KLHL32: variants seen among roughly 807,000 people sequenced by gnomAD.
KLHL32 encodes kelch like family member 32.
Under a neutral mutation model 64.8 loss-of-function variants are expected in KLHL32, and 35 were observed. The ratio of observed to expected loss-of-function variants is 0.54; its 90% CI spans 0.41 to 0.72. The LOEUF is 0.72. KLHL32 is among the 30% of genes least tolerant of loss of function. KLHL32 has a pLI of 0.00. For missense variants in KLHL32, 589 were observed against 768.5 expected, an observed-to-expected ratio of 0.77 and a Z score of 2.76; for synonymous variants, 259 against 281.0, an observed-to-expected ratio of 0.92 and a Z score of 0.78.
intron 3 of KLHL32, among the ~76,000 whole-genome samples, chr6:96,992,314 G>A (rs1400144839): frequency 1.3e-5 from 2 of 152,216 alleles, no homozygotes; most frequent in Non-Finnish European, 2.9e-5. Flanking sequence ...TCCTGGCTGT[G>A]GGGGGCCTCC....
chr6:97,049,242 AT>A (rs777261440), intron 4 of KLHL32, among the ~76,000 whole-genome samples: 3 of 152,362 alleles, frequency 2.0e-5, no homozygotes, highest in East Asian at 3.9e-4. Flanking sequence ...AAGTAGAACA[AT>A]TATAACAATA....
intron 3 of KLHL32, among the ~76,000 whole-genome samples, chr6:97,002,858 C>T (rs1210555956): frequency 6.6e-6 from 1 of 152,142 alleles, no homozygotes; most frequent in African/African-American, 2.4e-5. Context: ...AGTACATATT[C>T]CATGGTGAAT....
chr6:97,104,345 G>A (rs771683742), intron 6 of KLHL32, among the ~76,000 whole-genome samples: 2 of 151,830 alleles, frequency 1.3e-5, no homozygotes, highest in Non-Finnish European at 2.9e-5. Context: ...ACCTTTAGTT[G>A]CAAGGGCTTT....
intron 1 of KLHL32, among the ~76,000 whole-genome samples, chr6:96,939,296 A>G (rs1364479238): frequency 1.3e-5 from 2 of 152,210 alleles, no homozygotes; most frequent in Non-Finnish European, 2.9e-5. Flanking sequence ...TTTGGCACAC[A>G]GTTACTGGGC....
At chr6:97,001,959 A>G (rs982223270) in intron 3 of KLHL32, among the ~76,000 whole-genome samples, 8 of 152,204 alleles carry the variant, frequency 5.3e-5, no homozygotes, top group African/African-American at 1.7e-4. Context: ...TTCTCCAAAG[A>G]AACATAACTA....
intron 9 of KLHL32, among the ~76,000 whole-genome samples, chr6:97,131,771 C>G (rs1320543322): frequency 6.6e-6 from 1 of 152,174 alleles, no homozygotes; most frequent in African/African-American, 2.4e-5. Flanking sequence ...GGAATCTAAT[C>G]AGAGGTTTAG....
intron 3 of KLHL32, among the ~76,000 whole-genome samples, chr6:96,991,555 C>A (rs1355580263): frequency 6.6e-6 from 1 of 151,786 alleles, no homozygotes. Context: ...CAGGCCAGGG[C>A]AGGGCGGTTG....
intron 4 of KLHL32, among the ~76,000 whole-genome samples, chr6:97,048,907 TAA>T (rs1786374720): frequency 6.6e-6 from 1 of 152,226 alleles, no homozygotes; most frequent in South Asian, 2.1e-4. Context: ...GGAGTAGTGT[TAA>T]GACTATTCAG....
intron 7 of KLHL32, among the ~76,000 whole-genome samples, chr6:97,125,643 CTG>C (rs1798787877): frequency 6.6e-6 from 1 of 152,084 alleles, no homozygotes; most frequent in African/African-American, 2.4e-5. Flanking sequence ...ATTTTGGTCT[CTG>C]TGATTAGGCC....
intron 5 of KLHL32, among the ~76,000 whole-genome samples, chr6:97,067,046 A>T (rs1789886361): frequency 6.6e-6 from 1 of 152,254 alleles, no homozygotes. Context: ...TGTTGTTCTT[A>T]AAATGCCATT....
intron 3 of KLHL32, among the ~76,000 whole-genome samples, chr6:97,041,039 A>G (rs369354741): frequency 6.6e-6 from 1 of 152,218 alleles, no homozygotes; most frequent in Non-Finnish European, 1.5e-5. Context: ...GCATATGAAA[A>G]TGAACTAATA....
At chr6:97,057,406 T>A in intron 4 of KLHL32, among the ~76,000 whole-genome samples, 1 of 138,774 alleles carries the variant, frequency 7.2e-6, no homozygotes, top group Admixed American at 7.6e-5. Flanking sequence ...ATGGTCTCGA[T>A]CTCCTGACCT....
Position 97,026,004 on chromosome 6 carries a change from G to A in KLHL32, c.205-15488G>A, listed in dbSNP as rs532405166. Among the ~76,000 whole-genome samples, 6 of 152,030 alleles carry A rather than the reference G, an allele frequency of 3.9e-5. No homozygotes were observed. The East Asian group carries it at 9.7e-4, about 24-fold the overall frequency. ...AACTATTTATCTTTCTTTTAATGAT[G>A]GAGCAAAGCTCATTTCACCCAAGAG... On this transcript the variant is annotated intron_variant, in intron 3 of 10. Coordinates refer to ENST00000369261, the MANE Select transcript of KLHL32 (RefSeq NM_052904.4).
At chr6:97,062,145 C>A (rs1429925068) in intron 4 of KLHL32, among the ~76,000 whole-genome samples, 3 of 152,178 alleles carry the variant, frequency 2.0e-5, no homozygotes, top group Non-Finnish European at 4.4e-5. Context: ...TGGAAGTCAG[C>A]CTGCTGGACA....
intron 5 of KLHL32, among the ~76,000 whole-genome samples, chr6:97,071,801 A>T (rs1425145741): frequency 6.6e-6 from 1 of 152,126 alleles, no homozygotes; most frequent in African/African-American, 2.4e-5. Flanking sequence ...CATTGACGTC[A>T]TTCGGGTTGG....
intron 3 of KLHL32, among the ~76,000 whole-genome samples, chr6:97,038,126 A>T (rs1784566293): frequency 6.6e-6 from 1 of 152,150 alleles, no homozygotes; most frequent in African/African-American, 2.4e-5. Flanking sequence ...GCTTTTTGGG[A>T]TTAAGACCCC....
intron 6 of KLHL32, among the ~76,000 whole-genome samples, chr6:97,094,767 G>A (rs375308977): frequency 6.6e-6 from 1 of 152,102 alleles, no homozygotes; most frequent in African/African-American, 2.4e-5. Flanking sequence ...GTCAGTATTG[G>A]TAAGTGGCAC....
At chr6:97,032,870 G>T (rs1480052155) in intron 3 of KLHL32, among the ~76,000 whole-genome samples, 1 of 151,096 alleles carries the variant, frequency 6.6e-6, no homozygotes, top group East Asian at 1.9e-4. Context: ...TGGAATTTCG[G>T]GTAATCTTCT....
chr6:96,969,136 G>T (rs563039670), intron 2 of KLHL32, among the ~76,000 whole-genome samples: 1 of 152,094 alleles, frequency 6.6e-6, no homozygotes, highest in Non-Finnish European at 1.5e-5. Flanking sequence ...TGTCAGCCTG[G>T]AGGATATGTC....
Sources: allele counts gnomAD v4.1 joint callset (sites outside exome capture counted in the v4.1 genomes callset), GRCh38; gene constraint gnomAD v4.1.1; transcripts MANE v1.5; gene names NCBI Gene and HGNC (gene_info 2026-07-23, HGNC 2026-07-21).